The following SEL1L2 variants were observed in gnomAD, a reference collection of about 807,000 sequenced individuals.
SEL1L2 encodes protein sel-1 homolog 2.
SEL1L2 carries 89 observed loss-of-function variants against 98.8 expected under a neutral mutation model. The ratio of observed to expected loss-of-function variants is 0.90; its 90% confidence interval spans 0.76 to 1.07. The LOEUF is 1.07. SEL1L2 is among the 50% of genes least tolerant of loss of function. The probability of loss-of-function intolerance (pLI) is 0.00; values close to 1 mark genes in which losing one functional copy is unlikely to be tolerated. For synonymous variants in SEL1L2, 262 were observed against 278.5 expected (o/e 0.94, Z 0.59); for missense variants, 788 against 812.0 (o/e 0.97, Z 0.36).
intron 2 of SEL1L2, among the ~76,000 whole-genome samples, chr20:13,955,566 T>C (rs1172727438): frequency 6.6e-6 from 1 of 152,180 alleles, no homozygotes. Flanking sequence ...CAAGCCATTG[T>C]AATGCTTTGG....
rs2147671584 is a variant in SEL1L2 at position 13,849,362 on chromosome 20, C to T, written c.*123G>A. ...GATGGTCCCCAAGTCTTGTCTGTTT[C>T]CCATCACAGCCCTGAGCGGGAAACT... On this transcript the variant is annotated 3_prime_UTR_variant, in exon 20 of 20. Coordinates refer to ENST00000284951, the MANE Select transcript of SEL1L2 (RefSeq NM_025229.2). 1 of 1,256,514 alleles carries T rather than the reference C, an allele frequency of 8.0e-7. No homozygotes were observed. 77.8% of individuals were successfully genotyped at this position (1,256,514 alleles called of 1,614,324 possible).
chr20:13,984,880 T>C (rs1275864006), intron 1 of SEL1L2, among the ~76,000 whole-genome samples: 1 of 152,202 alleles, frequency 6.6e-6, no homozygotes, highest in Non-Finnish European at 1.5e-5. Context: ...ATATATACAA[T>C]GTGTAGTGAA....
chr20:13,947,894 G>A (rs2050091657), intron 2 of SEL1L2, among the ~76,000 whole-genome samples: 1 of 152,236 alleles, frequency 6.6e-6, no homozygotes, highest in African/African-American at 2.4e-5. Context: ...CAGCTGGTGT[G>A]CCTGGCTGTG....
chr20:13,963,137 C>T (rs1224219781), intron 1 of SEL1L2, among the ~76,000 whole-genome samples: 2 of 151,530 alleles, frequency 1.3e-5, no homozygotes, highest in Non-Finnish European at 1.5e-5. Flanking sequence ...CTTACCAGAT[C>T]TAATTTCTCA....
chr20:13,959,443 A>G (rs1307250512), intron 1 of SEL1L2, among the ~76,000 whole-genome samples: 1 of 152,180 alleles, frequency 6.6e-6, no homozygotes, highest in Non-Finnish European at 1.5e-5. Context: ...AGCAAATTGA[A>G]GAGATGCACC....
At chr20:13,855,560 A>C (rs1989018653) in intron 18 of SEL1L2, among the ~76,000 whole-genome samples, 1 of 152,216 alleles carries the variant, frequency 6.6e-6, no homozygotes, top group Non-Finnish European at 1.5e-5. Flanking sequence ...ATGGCTTAAC[A>C]CAATAGAAGT....
intron 9 of SEL1L2, among the ~76,000 whole-genome samples, chr20:13,885,606 C>T (rs2046913667): frequency 6.6e-6 from 1 of 152,150 alleles, no homozygotes; most frequent in South Asian, 2.1e-4. Context: ...TGGCTGGAAG[C>T]TGGTCTTCTG....
chr20:13,915,108 T>A (rs1352734562), intron 4 of SEL1L2: 2 of 1,287,984 alleles, frequency 1.6e-6, no homozygotes, highest in Non-Finnish European at 2.0e-6. Context: ...TTTAGGAGGA[T>A]CAGGAGACTC....
chr20:13,870,154 T>C lies in SEL1L2; in HGVS notation c.1154A>G (p.Lys385Arg), dbSNP rs1021073921. 1.9e-6 allele frequency: 3 copies of C among 1,608,600 alleles called. No homozygotes were observed. The highest frequency in any genetic ancestry group is 2.6e-6 in the Non-Finnish European group (3 of 1,176,072). The change falls in exon 13 of 20, where the codon AAA (lysine) becomes AGA (arginine). Residue 385 changes from lysine (K) to arginine (R), a missense_variant. Transcript: ENST00000284951. ...HGLGLLYFHG[K>R]GVPLNYAEAL... Reference sequence around the variant, plus strand: ...AATTTAACTTACCAGGGGAACTCCTTTTCCATGAAAGTAAAGAAGACCAAG... The same window carrying C: ...AATTTAACTTACCAGGGGAACTCCTCTTCCATGAAAGTAAAGAAGACCAAG...
chr20:13,869,704 T>G, intron 13 of SEL1L2, 114 bp from the exon 14 acceptor site: 1 of 678,674 alleles, frequency 1.5e-6, no homozygotes, highest in Non-Finnish European at 2.6e-6. Context: ...TTAGGGTAAT[T>G]AAAATAGTAT....
chr20:13,852,713 T>G (rs1377909606), intron 18 of SEL1L2, among the ~76,000 whole-genome samples: 1 of 152,260 alleles, frequency 6.6e-6, no homozygotes, highest in Non-Finnish European at 1.5e-5. Flanking sequence ...AAATGTTATG[T>G]GGATACTGCC....
At chr20:13,870,043 C>T in intron 13 of SEL1L2, 98 bp downstream of exon 13, 3 of 847,438 alleles carry the variant, frequency 3.5e-6, no homozygotes, top group Non-Finnish European at 5.7e-6. Flanking sequence ...TTTGGCAAAC[C>T]AGATAATAGA....
chr20:13,850,321 T>C lies in SEL1L2; in HGVS notation c.1819-2A>G. ...CAATCTTCTGGCCAAGTGAATGTCC[T>C]AGAAGGAGAAGAATAGCCCTACCCA... On this transcript the variant is annotated splice_acceptor_variant, in intron 18 of 19. Transcript: ENST00000284951. LOFTEE classifies it high-confidence loss of function. The C allele has an allele frequency of 1.9e-6, 3 of 1,613,952 alleles. No homozygotes were observed. The highest frequency in any genetic ancestry group is 2.5e-6 in the Non-Finnish European group (3 of 1,179,822).
intron 2 of SEL1L2, among the ~76,000 whole-genome samples, chr20:13,952,930 G>A (rs1477724391): frequency 6.6e-6 from 1 of 152,184 alleles, no homozygotes; most frequent in East Asian, 1.9e-4. Context: ...TCTGGAAGCT[G>A]AGGCGGGAGA....
intron 1 of SEL1L2, among the ~76,000 whole-genome samples, chr20:13,967,494 A>G (rs1021269208): frequency 1.3e-5 from 2 of 152,312 alleles, no homozygotes; most frequent in East Asian, 1.9e-4. Flanking sequence ...ATCTCTGGTT[A>G]TAATATCTCA....
chr20:13,968,079 G>T (rs1451138570), intron 1 of SEL1L2, among the ~76,000 whole-genome samples: 1 of 152,190 alleles, frequency 6.6e-6, no homozygotes, highest in Admixed American at 6.5e-5. Flanking sequence ...GTCTTGAAAA[G>T]ATATTTCGTA....
chr20:13,858,814 A>G (rs1296775852), intron 18 of SEL1L2, among the ~76,000 whole-genome samples: 1 of 152,202 alleles, frequency 6.6e-6, no homozygotes, highest in Non-Finnish European at 1.5e-5. Context: ...TGTACACAGT[A>G]GGTGCTTCAT....
chr20:13,919,251 CAAG>C (rs1197258406), intron 3 of SEL1L2, 128 bp from the exon 4 acceptor site: 10 of 593,052 alleles, frequency 1.7e-5, no homozygotes, highest in Middle Eastern at 4.5e-4. Flanking sequence ...CCTCTGCATT[CAAG>C]AAGATCTGTT....
At chr20:13,910,951 C>T (rs1005417888) in intron 5 of SEL1L2, among the ~76,000 whole-genome samples, 6 of 152,182 alleles carry the variant, frequency 3.9e-5, no homozygotes, top group Non-Finnish European at 8.8e-5. Flanking sequence ...GTTTTAGGAA[C>T]CATTCATGTA....
Sources: gnomAD v4.1 joint callset for allele counts (sites outside exome capture counted in the v4.1 genomes callset) on GRCh38, gnomAD v4.1.1 for gene constraint, MANE v1.5 for transcripts, NCBI Gene and HGNC (gene_info 2026-07-23, HGNC 2026-07-21) for gene names.